The following LINC00632 variants were observed in gnomAD, a reference collection of about 807,000 sequenced individuals.
LINC00632 encodes the protein long independently transcribed non-coding RNA 632.
intron 3 of LINC00632, among the ~76,000 whole-genome samples, chrX:140,751,946 C>T (rs980495345): frequency 5.4e-5 from 6 of 111,168 alleles, no homozygotes; most frequent in Admixed American, 1.9e-4. Context: ...TGTTTGCAAT[C>T]GCTCCTTCAC....
intron 2 of LINC00632, chrX:140,716,070 A>G (rs1172530730): frequency 8.9e-6 from 1 of 112,409 alleles, no homozygotes; most frequent in Non-Finnish European, 1.9e-5. Flanking sequence ...AGTGCACATA[A>G]ACATTTCCCA....
At chrX:140,788,119 C>G (rs1258541160) in exon 5 of LINC00632, among the ~76,000 whole-genome samples, 2 of 108,520 alleles carry the variant, frequency 1.8e-5, no homozygotes, top group Non-Finnish European at 3.8e-5. Context: ...ATACACATAG[C>G]ATACAAATAA....
chrX:140,730,535 C>T (rs1193439461), intron 2 of LINC00632, among the ~76,000 whole-genome samples: 1 of 110,088 alleles, frequency 9.1e-6, no homozygotes, highest in African/African-American at 3.3e-5. Context: ...CCCCAGAACA[C>T]TCAGGCTTGC....
At chrX:140,720,825 A>G (rs190501470) in intron 2 of LINC00632, among the ~76,000 whole-genome samples, 2 of 112,036 alleles carry the variant, frequency 1.8e-5, no homozygotes, top group East Asian at 2.8e-4. Context: ...CATAACACCA[A>G]CGCTTAGCTG....
intron 3 of LINC00632, among the ~76,000 whole-genome samples, chrX:140,762,664 A>G (rs978871697): frequency 7.1e-5 from 8 of 112,252 alleles, no homozygotes; most frequent in Non-Finnish European, 1.3e-4. Flanking sequence ...TGTTGAAACT[A>G]TTCAGCTTTG....
chrX:140,766,019 A>G (rs1931685247), intron 3 of LINC00632, among the ~76,000 whole-genome samples: 1 of 112,025 alleles, frequency 8.9e-6, no homozygotes, highest in South Asian at 3.7e-4. Flanking sequence ...AGAAAAGGGC[A>G]CATGTGATCC....
At chrX:140,786,825 T>C (rs1014912474) in exon 5 of LINC00632, among the ~76,000 whole-genome samples, 3 of 111,758 alleles carry the variant, frequency 2.7e-5, no homozygotes, top group Non-Finnish European at 3.8e-5. Context: ...GTACCTATGA[T>C]GGAATATTCT....
chrX:140,763,906 G>A (rs1287212966), intron 3 of LINC00632, among the ~76,000 whole-genome samples: 1 of 111,483 alleles, frequency 9.0e-6, no homozygotes, highest in East Asian at 2.8e-4. Flanking sequence ...GAAATTTGAG[G>A]TCTTATAAAG....
intron 2 of LINC00632, among the ~76,000 whole-genome samples, chrX:140,733,525 GTGAAA>G (rs1931094356): frequency 8.9e-6 from 1 of 112,096 alleles, no homozygotes; most frequent in African/African-American, 3.2e-5. Context: ...TGAAGATGTA[GTGAAA>G]TGAAGGGCTT....
At chrX:140,780,417 T>G (rs919155571) in exon 5 of LINC00632, among the ~76,000 whole-genome samples, 2 of 111,899 alleles carry the variant, frequency 1.8e-5, no homozygotes, top group African/African-American at 6.5e-5. Context: ...TGTCTGTAAG[T>G]TACTCCCTGA....
At chrX:140,713,369 C>T (rs961626642) in intron 2 of LINC00632, 6 of 267,268 alleles carry the variant, frequency 2.2e-5, no homozygotes, top group African/African-American at 1.7e-4. Flanking sequence ...TTTCAGACCT[C>T]GGCTGCTTGC....
At chrX:140,773,183 A>G (rs1479686619) in exon 4 of LINC00632, among the ~76,000 whole-genome samples, 1 of 108,832 alleles carries the variant, frequency 9.2e-6, no homozygotes, top group East Asian at 2.8e-4. Flanking sequence ...AGAAAAGAAG[A>G]GAAGAGAAAA....
At chrX:140,747,252 G>A (rs1460147725) in intron 3 of LINC00632, among the ~76,000 whole-genome samples, 1 of 111,677 alleles carries the variant, frequency 9.0e-6, no homozygotes, top group Non-Finnish European at 1.9e-5. Context: ...ATCGGGCTGG[G>A]CACGGTGGCT....
exon 4 of LINC00632, among the ~76,000 whole-genome samples, chrX:140,773,451 ACAAACT>A (rs1478549891): frequency 8.9e-6 from 1 of 112,491 alleles, no homozygotes; most frequent in African/African-American, 3.2e-5. Flanking sequence ...CCTGGAAAAG[ACAAACT>A]CAAAGTTCTG....
chrX:140,766,418 A>G (rs770234998), intron 3 of LINC00632, among the ~76,000 whole-genome samples: 1 of 112,432 alleles, frequency 8.9e-6, no homozygotes, highest in East Asian at 2.8e-4. Flanking sequence ...AAGATGTTCC[A>G]TAACAATCAA....
chrX:140,742,005 G>A (rs1341148582), intron 3 of LINC00632, among the ~76,000 whole-genome samples: 1 of 111,872 alleles, frequency 8.9e-6, no homozygotes, highest in Non-Finnish European at 1.9e-5. Context: ...CGGCATTGCT[G>A]GCAAAATGGG....
At chrX:140,765,301 C>T (rs762634268) in intron 3 of LINC00632, among the ~76,000 whole-genome samples, 127 of 111,033 alleles carry the variant, frequency 1.1e-3, no homozygotes, top group African/African-American at 4.0e-3. Context: ...CTTTGTTCAC[C>T]GAGGCCCTGG....
intron 3 of LINC00632, among the ~76,000 whole-genome samples, chrX:140,757,970 T>C (rs1338457537): frequency 1.8e-5 from 2 of 111,855 alleles, no homozygotes; most frequent in African/African-American, 6.5e-5. Flanking sequence ...ATTTCTCTTT[T>C]TTCCTATAAA....
At chrX:140,770,805 C>T (rs780465279) in intron 3 of LINC00632, among the ~76,000 whole-genome samples, 17 of 111,714 alleles carry the variant, frequency 1.5e-4, no homozygotes, top group Non-Finnish European at 2.4e-4. Context: ...ATCTGAGATC[C>T]GAGAACTTGG....
Sources: gnomAD v4.1 joint callset for allele counts (sites outside exome capture counted in the v4.1 genomes callset) on GRCh38, gnomAD v4.1.1 for gene constraint, MANE v1.5 for transcripts, NCBI Gene and HGNC (gene_info 2026-07-23, HGNC 2026-07-21) for gene names.